Variants in STIM1 observed in about 807,000 individuals in gnomAD.
The protein encoded by STIM1 is stromal interaction molecule 1.
Under a neutral mutation model 74.7 loss-of-function variants are expected in STIM1, and 25 were observed. The ratio of observed to expected loss-of-function variants is 0.33; its 90% CI spans 0.24 to 0.47. The LOEUF (loss-of-function observed/expected upper bound fraction) is 0.47, where lower values mean the gene tolerates loss of function less well. Among genes scored for constraint, STIM1 ranks in the 20% least tolerant of loss-of-function variants. The pLI is 1.00. For synonymous variants in STIM1, 328 were observed against 348.8 expected, an observed-to-expected ratio of 0.94 and a Z score of 0.66; for missense variants, 728 against 920.8, an observed-to-expected ratio of 0.79 and a Z score of 2.71.
intron 1 of STIM1, among the ~76,000 whole-genome samples, chr11:3,928,037 G>A (rs1349062502): frequency 6.6e-6 from 1 of 152,096 alleles, no homozygotes. Context: ...TATTCCCAGG[G>A]CCTAGATTTG....
chr11:4,086,768 A>G (rs1303274379), intron 12 of STIM1: 1 of 1,536,786 alleles, frequency 6.5e-7, no homozygotes, highest in Admixed American at 2.0e-5. Context: ...TATTACCACC[A>G]CAGCACTTCC....
chr11:3,994,441 T>C (rs1202503491), intron 2 of STIM1, among the ~76,000 whole-genome samples: 3 of 151,668 alleles, frequency 2.0e-5, no homozygotes, highest in Non-Finnish European at 4.4e-5. Context: ...TCTTTGAATA[T>C]TTTTCCTTCT....
intron 1 of STIM1, among the ~76,000 whole-genome samples, chr11:3,893,586 C>A (rs1175533371): frequency 2.6e-5 from 4 of 151,998 alleles, no homozygotes; most frequent in Non-Finnish European, 5.9e-5. Context: ...CACTTTCTTG[C>A]TCATTAGCAA....
intron 1 of STIM1, among the ~76,000 whole-genome samples, chr11:3,861,821 A>G (rs1489280619): frequency 2.0e-5 from 3 of 152,166 alleles, no homozygotes; most frequent in Non-Finnish European, 4.4e-5. Flanking sequence ...CGTGTTAAGA[A>G]CAGCTCTTTG....
chr11:4,035,851 CTTT>C (rs35310625), intron 3 of STIM1, among the ~76,000 whole-genome samples: 4 of 123,306 alleles, frequency 3.2e-5, no homozygotes, highest in Non-Finnish European at 6.8e-5. Flanking sequence ...TGTTGTTTTG[CTTT>C]TTTTTTTTTT....
rs562534306 is a variant in STIM1 at position 3,915,646 on chromosome 11, C to G, written c.140-51906C>G. On this transcript the variant is annotated intron_variant, in intron 1 of 12. Coordinates refer to ENST00000526596, the MANE Select transcript of STIM1 (RefSeq NM_001382567.1). ...TCTCCTGACCTTGTGATCCACATGC[C>G]TCAGCCTCCCAAAGTGCTGGGATTA... Among the ~76,000 whole-genome samples the G allele has an allele frequency of 3.7e-4, 57 of 152,230 alleles. 2 individuals carry two copies. In the South Asian group the frequency reaches 0.011, roughly 29 times the overall value.
chr11:4,078,352 T>A (rs2133203760), intron 7 of STIM1, among the ~76,000 whole-genome samples: 1 of 152,236 alleles, frequency 6.6e-6, no homozygotes, highest in East Asian at 1.9e-4. Flanking sequence ...CTGTGAGAGA[T>A]GCAGTTCTGC....
intron 2 of STIM1, among the ~76,000 whole-genome samples, chr11:4,002,011 G>T (rs1329050033): frequency 7.2e-6 from 1 of 139,376 alleles, no homozygotes; most frequent in Non-Finnish European, 1.5e-5. Context: ...TGATGGTAAA[G>T]GGATCAATTC....
At chr11:4,013,412 G>T (rs551666121) in intron 2 of STIM1, among the ~76,000 whole-genome samples, 1 of 152,096 alleles carries the variant, frequency 6.6e-6, no homozygotes, top group Non-Finnish European at 1.5e-5. Flanking sequence ...CCTGTTATTG[G>T]TCTGTTCAAA....
chr11:4,059,225 G>A (rs199536911), intron 4 of STIM1, 56 bp from the exon 5 acceptor site: 3 of 1,480,228 alleles, frequency 2.0e-6, no homozygotes, highest in Middle Eastern at 1.7e-4. Flanking sequence ...AATCCTACCA[G>A]GATCCTTCCT....
Position 3,886,737 on chromosome 11 carries a change from C to T in STIM1, c.139+30328C>T, listed in dbSNP as rs556494658. 2.1e-5 allele frequency among the ~76,000 whole-genome samples: 3 copies of T among 145,796 alleles called. No individual in the cohort carries two copies. The South Asian group carries it at 6.5e-4, about 32-fold the overall frequency. ...GGTCTTATTTGGCCGGGTGCGGTGG[C>T]TCATGCCTGTAATTCCAGCACTTTG... On this transcript the variant is annotated intron_variant, in intron 1 of 12. Coordinates refer to ENST00000526596, the MANE Select transcript of STIM1 (RefSeq NM_001382567.1).
Position 4,086,520 on chromosome 11 carries a change from A to G in STIM1, c.1611A>G (p.Pro537=), listed in dbSNP as rs199512211. The change falls in exon 12 of 13, where the codon CCA becomes CCG. Residue 537 remains proline, a synonymous_variant. Coordinates refer to ENST00000526596, the MANE Select transcript of STIM1 (RefSeq NM_001382567.1). ...QSSVRQRLTE[P]QHGLGSQRDL... Reference sequence around the variant, plus strand: ...GTGTTCGGCAGCGCCTGACGGAGCCACAGCATGGCCTGGGATCTCAGAGGT... The same window carrying G: ...GTGTTCGGCAGCGCCTGACGGAGCCGCAGCATGGCCTGGGATCTCAGAGGT... 731 of 1,614,146 alleles carry G rather than the reference A, an allele frequency of 4.5e-4. 9 individuals carry two copies. The South Asian group carries it at 7.1e-3, about 16-fold the overall frequency.
chr11:3,920,803 AT>A (rs543004050), intron 1 of STIM1, among the ~76,000 whole-genome samples: 11 of 146,690 alleles, frequency 7.5e-5, no homozygotes, highest in Admixed American at 2.0e-4. Flanking sequence ...ATTTTTTTTA[AT>A]TTTTTTTTTG....
intron 1 of STIM1, among the ~76,000 whole-genome samples, chr11:3,948,015 C>G (rs1214074057): frequency 6.6e-6 from 1 of 152,156 alleles, no homozygotes; most frequent in Non-Finnish European, 1.5e-5. Context: ...CAAAAAGACA[C>G]TCAAGTTCCA....
chr11:3,929,115 T>G (rs1470643186), intron 1 of STIM1, among the ~76,000 whole-genome samples: 1 of 152,330 alleles, frequency 6.6e-6, no homozygotes, highest in East Asian at 1.9e-4. Flanking sequence ...CCTCCCAAAG[T>G]GCTGGGATTA....
chr11:3,892,375 A>T (rs2091921032), intron 1 of STIM1: 2 of 1,363,222 alleles, frequency 1.5e-6, no homozygotes, highest in African/African-American at 2.8e-5. Context: ...GCTAAGATAA[A>T]ACACAAGTCA....
intron 1 of STIM1, among the ~76,000 whole-genome samples, chr11:3,950,452 G>A (rs117361097): frequency 6.6e-6 from 1 of 151,976 alleles, no homozygotes; most frequent in East Asian, 1.9e-4. Flanking sequence ...TTTTATTGCT[G>A]AGTCATGTAC....
chr11:4,021,429 A>T (rs531080165), intron 2 of STIM1, among the ~76,000 whole-genome samples: 2 of 152,168 alleles, frequency 1.3e-5, no homozygotes, highest in Non-Finnish European at 2.9e-5. Context: ...CCCGGCCCCC[A>T]GTACAGTTTA....
chr11:3,885,791 C>T (rs1456029916), intron 1 of STIM1, among the ~76,000 whole-genome samples: 2 of 152,138 alleles, frequency 1.3e-5, no homozygotes, highest in Non-Finnish European at 2.9e-5. Context: ...GCATGAGCAA[C>T]CACACCTGGC....
Sources: gnomAD v4.1 joint callset for allele counts (sites outside exome capture counted in the v4.1 genomes callset) on GRCh38, gnomAD v4.1.1 for gene constraint, MANE v1.5 for transcripts, NCBI Gene and HGNC (gene_info 2026-07-23, HGNC 2026-07-21) for gene names.